The following CNKSR2 variants were observed in gnomAD, a reference collection of about 807,000 sequenced individuals.
CNKSR2 encodes the protein CNK homolog protein 2.
Under a neutral mutation model 84.4 loss-of-function variants are expected in CNKSR2, and 14 were observed. The observed-to-expected ratio is 0.17, with a 90% CI of 0.11 to 0.26. CNKSR2 has a LOEUF of 0.26. Ranked by LOEUF, CNKSR2 falls within the 10% of genes least tolerant of loss-of-function variation. The probability of loss-of-function intolerance (pLI) is 1.00; values close to 1 mark genes in which losing one functional copy is unlikely to be tolerated. For missense variants in CNKSR2, 485 were observed against 771.2 expected (o/e 0.63, Z 4.40); for synonymous variants, 275 against 277.9 (o/e 0.99, Z 0.10).
At chrX:21,443,803 T>C (rs1467324331) in intron 4 of CNKSR2, among the ~76,000 whole-genome samples, 1 of 111,670 alleles carries the variant, frequency 9.0e-6, no homozygotes, top group African/African-American at 3.2e-5. Flanking sequence ...TTTCTAAACC[T>C]TTGTTCAAGT....
chrX:21,641,673 T>G, intron 20 of CNKSR2: 1 of 1,120,587 alleles, frequency 8.9e-7, no homozygotes, highest in Non-Finnish European at 1.2e-6. Context: ...CGGCGCAGAC[T>G]CAACATCAAC....
At chrX:21,557,065 A>G (rs2092146187) in intron 11 of CNKSR2, among the ~76,000 whole-genome samples, 1 of 110,180 alleles carries the variant, frequency 9.1e-6, no homozygotes, top group African/African-American at 3.3e-5. Flanking sequence ...AGTATTGTAT[A>G]TATGCTAAAG....
chrX:21,484,285 C>T (rs1475604254), intron 5 of CNKSR2, among the ~76,000 whole-genome samples: 1 of 110,122 alleles, frequency 9.1e-6, no homozygotes, highest in Non-Finnish European at 1.9e-5. Flanking sequence ...AGTGAGACTT[C>T]GTTTCAAAAC....
chrX:21,444,550 T>C (rs989259417), intron 4 of CNKSR2, among the ~76,000 whole-genome samples: 3 of 110,755 alleles, frequency 2.7e-5, no homozygotes, highest in Non-Finnish European at 5.7e-5. Flanking sequence ...TGTTGGGCTG[T>C]TGTGAAGATT....
intron 11 of CNKSR2, among the ~76,000 whole-genome samples, chrX:21,541,273 G>A (rs1404483913): frequency 1.8e-5 from 2 of 111,547 alleles, no homozygotes. Flanking sequence ...GAGCCACCAC[G>A]CCCGGCCTGA....
At chrX:21,575,822 C>T (rs774003549) in intron 13 of CNKSR2, among the ~76,000 whole-genome samples, 41 of 112,022 alleles carry the variant, frequency 3.7e-4, no homozygotes, top group African/African-American at 1.1e-3. Context: ...AGGCAGAAAC[C>T]GTGAAAAAAG....
intron 13 of CNKSR2, among the ~76,000 whole-genome samples, chrX:21,566,142 G>A (rs2092236248): frequency 9.0e-6 from 1 of 111,336 alleles, no homozygotes; most frequent in African/African-American, 3.3e-5. Context: ...CTTGTATGAT[G>A]ATGTTAATAA....
chrX:21,576,667 G>T (rs1024291339), intron 13 of CNKSR2, among the ~76,000 whole-genome samples: 2 of 110,936 alleles, frequency 1.8e-5, no homozygotes, highest in Admixed American at 9.6e-5. Flanking sequence ...TAAAATAGGC[G>T]ATATCACTAC....
At chrX:21,404,197 A>G (rs1028383549) in intron 1 of CNKSR2, among the ~76,000 whole-genome samples, 3 of 111,886 alleles carry the variant, frequency 2.7e-5, no homozygotes, top group African/African-American at 9.7e-5. Context: ...GTGGCTCACT[A>G]AAGCCTAACT....
intron 11 of CNKSR2, among the ~76,000 whole-genome samples, chrX:21,554,711 ATTTTCT>A (rs974856278): frequency 9.0e-6 from 1 of 111,073 alleles, no homozygotes; most frequent in African/African-American, 3.3e-5. Context: ...TATGTGACAC[ATTTTCT>A]TTATCTAGTC....
intron 1 of CNKSR2, among the ~76,000 whole-genome samples, chrX:21,416,402 C>CT (rs1301366621): frequency 9.0e-6 from 1 of 111,076 alleles, no homozygotes; most frequent in African/African-American, 3.3e-5. Context: ...CTGTAGTTTT[C>CT]TTTTTTCAAT....
rs1299952445 is a variant in CNKSR2, at chrX:21,652,576, A to G, written c.*55A>G. The G allele has an allele frequency of 1.1e-6, 1 of 949,235 alleles. No homozygotes were observed. Among genetic ancestry groups the G allele is most frequent in the Admixed American group, 2.4e-5 (1 of 42,132 alleles). 78.2% of individuals were successfully genotyped at this position (949,235 alleles called of 1,213,427 possible). ...CTGCTGGTACTCTGAACAAGTATAT[A>G]AGGTAGTTTTTATATCAATGTGTGG... On this transcript the variant is annotated 3_prime_UTR_variant, in exon 22 of 22. Coordinates refer to ENST00000379510, the MANE Select transcript of CNKSR2 (RefSeq NM_014927.5).
chrX:21,452,638 T>C lies in CNKSR2; in HGVS notation c.519+11857T>C, dbSNP rs986777414. On this transcript the variant is annotated intron_variant, in intron 4 of 21. Transcript: ENST00000379510. Reference sequence around the variant, plus strand: ...AGTTGGAGCTAACTTTAGATGACCTTGTGGGAGAGAACTGGAATAGAATTT... The same window carrying C: ...AGTTGGAGCTAACTTTAGATGACCTCGTGGGAGAGAACTGGAATAGAATTT... Among the ~76,000 whole-genome samples the C allele has an allele frequency of 1.2e-3, 128 of 110,943 alleles. 2 individuals are homozygous for C. The highest frequency in any genetic ancestry group is 4.0e-3 in the African/African-American group (121 of 30,592).
chrX:21,510,373 G>T lies in CNKSR2; in HGVS notation c.811-6112G>T, dbSNP rs1227764663. 2.7e-5 allele frequency among the ~76,000 whole-genome samples: 3 copies of T among 111,267 alleles called. No homozygotes were observed. The East Asian group carries it at 8.4e-4, about 31-fold the overall frequency. On this transcript the variant is annotated intron_variant, in intron 8 of 21. Coordinates refer to ENST00000379510, the MANE Select transcript of CNKSR2 (RefSeq NM_014927.5). Reference sequence around the variant, plus strand: ...GAAAAAAGGTAAAAAAAAAGGTCTGGGTTGATAGGCTTAAATTCTTACCTT... The same window carrying T: ...GAAAAAAGGTAAAAAAAAAGGTCTGTGTTGATAGGCTTAAATTCTTACCTT...
chrX:21,501,248 A>G (rs1322950265), intron 7 of CNKSR2, among the ~76,000 whole-genome samples: 2 of 110,813 alleles, frequency 1.8e-5, no homozygotes, highest in Admixed American at 9.6e-5. Flanking sequence ...ATATCTATAT[A>G]TTATTTTGCA....
intron 5 of CNKSR2, among the ~76,000 whole-genome samples, chrX:21,484,161 C>T (rs958996583): frequency 9.1e-6 from 1 of 110,464 alleles, no homozygotes; most frequent in African/African-American, 3.3e-5. Context: ...CGTAGTGGTG[C>T]GCACCTGTAG....
At chrX:21,393,461 A>G (rs1450953676) in intron 1 of CNKSR2, among the ~76,000 whole-genome samples, 3 of 112,477 alleles carry the variant, frequency 2.7e-5, no homozygotes, top group Non-Finnish European at 5.6e-5. Context: ...GGATGGTTTG[A>G]CTTTTCAAAA....
chrX:21,512,086 A>G (rs1411715584), intron 8 of CNKSR2, among the ~76,000 whole-genome samples: 1 of 111,932 alleles, frequency 8.9e-6, no homozygotes, highest in African/African-American at 3.2e-5. Context: ...TGTTGTATTC[A>G]TACTACATGG....
At chrX:21,573,946 T>C (rs2092301993) in intron 13 of CNKSR2, among the ~76,000 whole-genome samples, 1 of 111,735 alleles carries the variant, frequency 8.9e-6, no homozygotes, top group Non-Finnish European at 1.9e-5. Context: ...TTTTCCAAAT[T>C]TTTATGGTCT....
Sources: allele counts gnomAD v4.1 joint callset (sites outside exome capture counted in the v4.1 genomes callset), GRCh38; gene constraint gnomAD v4.1.1; transcripts MANE v1.5; gene names NCBI Gene and HGNC (gene_info 2026-07-23, HGNC 2026-07-21).